MADD: variants seen among roughly 807,000 people sequenced by gnomAD.
MADD encodes the protein MAP kinase-activating death domain protein.
Under a neutral mutation model 176.7 loss-of-function variants are expected in MADD, and 109 were observed. The ratio of observed to expected loss-of-function variants is 0.62; its 90% CI spans 0.53 to 0.72. The LOEUF is 0.72. Ranked by LOEUF, MADD falls within the 30% of genes least tolerant of loss-of-function variation. MADD has a pLI of 0.00. For missense variants in MADD, 1,914 were observed against 2,045.5 expected (o/e 0.94, Z 1.24); for synonymous variants, 771 against 771.3 (o/e 1.00, Z 0.01).
rs1227040287 is a variant in MADD at position 47,290,062 on chromosome 11, T to G, written c.2943+9T>G. 3 of 1,613,252 alleles carry G rather than the reference T, an allele frequency of 1.9e-6. No individual in the cohort carries two copies. Among genetic ancestry groups the G allele is most frequent in the East Asian group, 2.2e-5 (1 of 44,866 alleles). On this transcript the variant is annotated intron_variant, in intron 17 of 32. Transcript: ENST00000402192. ...ACATCATCCCGGATGTGGTCAGTGT[T>G]GGGGGTAGGGAATCGGAGTAACTGG... is the stretch of plus-strand genomic sequence containing the variant.
intron 27 of MADD, among the ~76,000 whole-genome samples, chr11:47,316,097 A>C (rs1302612542): frequency 6.6e-6 from 1 of 151,994 alleles, no homozygotes; most frequent in Non-Finnish European, 1.5e-5. Flanking sequence ...CGACCTCCCA[A>C]AGTGCTGGGA....
chr11:47,315,750 T>C (rs886624512), intron 27 of MADD, among the ~76,000 whole-genome samples: 2 of 151,752 alleles, frequency 1.3e-5, no homozygotes, highest in African/African-American at 2.4e-5. Flanking sequence ...GCTGGTATTA[T>C]AGGCATGAGC....
intron 7 of MADD, among the ~76,000 whole-genome samples, chr11:47,280,679 C>T (rs1180407726): frequency 6.6e-6 from 1 of 152,166 alleles, no homozygotes; most frequent in Admixed American, 6.5e-5. Flanking sequence ...AATCTCTTGC[C>T]TCAGCCTCCT....
At position 47,318,789 on chromosome 11, in the gene MADD, A is replaced by ATT. The variant is rs57548484; in HGVS notation, c.4197+3497_4197+3498dup. The stretch of plus-strand genomic sequence containing the variant: ...TGATCAACTGGACAGCAGTTTGGGA[A>ATT]TTTTTTTTTTTTTTTTTTTTTTTTT... On this transcript the variant is annotated intron_variant, in intron 27 of 32. Coordinates refer to ENST00000402192, the Ensembl canonical transcript of MADD. 3.3e-3 allele frequency among the ~76,000 whole-genome samples: 269 copies of ATT among 82,472 alleles called. 26 individuals are homozygous for ATT. Among genetic ancestry groups the ATT allele is most frequent in the Non-Finnish European group, 4.0e-3 (180 of 45,150 alleles). The allele number at this position is 82,472 out of a possible 152,430, so 54.1% of individuals were successfully genotyped here. A position where few individuals can be genotyped will look rare whatever the true frequency, so the allele number is the denominator to read the frequency against.
At chr11:47,273,722 A>T in intron 1 of MADD, 105 bp from the exon 2 acceptor site, 1 of 538,816 alleles carries the variant, frequency 1.9e-6, no homozygotes, top group Non-Finnish European at 3.4e-6. Context: ...CATTAGTATG[A>T]AAGTGGAAGA....
intron 31 of MADD, 128 bp downstream of exon 35, chr11:47,326,935 G>A (rs2095511118): frequency 1.4e-6 from 2 of 1,470,116 alleles, no homozygotes; most frequent in Non-Finnish European, 1.8e-6. Context: ...GAGCAGGAGT[G>A]ACAAGGAAGA....
At chr11:47,295,746 C>T (rs2070943929) in intron 21 of MADD, 151 bp from the exon 24 acceptor site, 1 of 1,517,400 alleles carries the variant, frequency 6.6e-7, no homozygotes, top group East Asian at 2.3e-5. Flanking sequence ...TCACCCAGAG[C>T]TTCTCATCTT....
exon 33 of MADD, chr11:47,329,158 G>A (rs1237723140): frequency 1.2e-6 from 2 of 1,608,084 alleles, no homozygotes; most frequent in East Asian, 2.2e-5. Context: ...TGATGGAGAG[G>A]GGCTACGCAG....
intron 26 of MADD, among the ~76,000 whole-genome samples, chr11:47,314,251 A>AT (rs2091801110): frequency 6.8e-6 from 1 of 146,784 alleles, no homozygotes; most frequent in African/African-American, 2.5e-5. Flanking sequence ...AAAAAAGTGT[A>AT]TGGAGAATAG....
chr11:47,319,817 CCT>C (rs1006314565), intron 27 of MADD, among the ~76,000 whole-genome samples: 7 of 151,510 alleles, frequency 4.6e-5, no homozygotes, highest in Non-Finnish European at 7.4e-5. Context: ...GTGGTGACAC[CCT>C]GTTTCTACTA....
intron 26 of MADD, among the ~76,000 whole-genome samples, chr11:47,312,207 T>C (rs2089961381): frequency 6.6e-6 from 1 of 152,206 alleles, no homozygotes; most frequent in South Asian, 2.1e-4. Context: ...CAGCAGCCAT[T>C]GCATTCCTTG....
chr11:47,285,823 C>T (rs1014086095), intron 14 of MADD, among the ~76,000 whole-genome samples: 3 of 152,126 alleles, frequency 2.0e-5, no homozygotes, highest in Non-Finnish European at 4.4e-5. Flanking sequence ...GGTAAGACAG[C>T]TGGATGGGTA....
exon 19 of MADD, chr11:47,290,698 G>A: frequency 6.2e-7 from 1 of 1,614,176 alleles, no homozygotes; most frequent in Non-Finnish European, 8.5e-7. Flanking sequence ...GGGACCCAAA[G>A]GCTATGGCAC....
chr11:47,311,684 C>T (rs367663813), intron 25 of MADD, 48 bp from the exon 29 acceptor site: 138 of 1,157,458 alleles, frequency 1.2e-4, no homozygotes, highest in Non-Finnish European at 1.6e-4. Context: ...CTACCTCAGT[C>T]GGGAGGAGAG....
In MADD at chr11:47,285,295, C is replaced by T. The variant is rs1390050999; in HGVS notation, c.2411+101C>T. Reference sequence around the variant, plus strand: ...AGAAAGTCTGAGAAGTCTGAATGCTCTCGTGGTCCTGCCATCCCCAGAGGA... The same window carrying T: ...AGAAAGTCTGAGAAGTCTGAATGCTTTCGTGGTCCTGCCATCCCCAGAGGA... On this transcript the variant is annotated intron_variant, in intron 13 of 32. Transcript: ENST00000402192. The T allele has an allele frequency of 1.3e-5, 20 of 1,555,612 alleles. No individual in the cohort carries two copies. The South Asian group carries it at 2.2e-4, about 17-fold the overall frequency.
chr11:47,279,026 C>T (rs1187520257), exon 7 of MADD: 3 of 1,614,040 alleles, frequency 1.9e-6, no homozygotes, highest in East Asian at 2.2e-5. Context: ...TGCAGAAGTG[C>T]TGCCTATCCT....
At chr11:47,317,371 G>A (rs143331448) in intron 27 of MADD, among the ~76,000 whole-genome samples, 124 of 152,288 alleles carry the variant, frequency 8.1e-4, no homozygotes, top group Non-Finnish European at 1.5e-4. Context: ...CAATGCATTT[G>A]TAATTTTGGT....
In MADD at chr11:47,284,578, C is replaced by T. The variant is rs934535403; in HGVS notation, c.2157+13C>T. ...CGGAGCCAACTCTGTAAGTGAGGAG[C>T]GGTGGATGAGTGAGAACCATGGCCT... is the stretch of plus-strand genomic sequence containing the variant. On this transcript the variant is annotated intron_variant, in intron 12 of 32. Coordinates refer to ENST00000402192, the Ensembl canonical transcript of MADD. 2.5e-6 allele frequency: 4 copies of T among 1,611,844 alleles called. No homozygotes were observed. The highest frequency in any genetic ancestry group is 2.2e-5 in the East Asian group (1 of 44,792).
chr11:47,278,206 C>T, exon 6 of MADD: 1 of 1,614,122 alleles, frequency 6.2e-7, no homozygotes. Flanking sequence ...GGGTTCCTGC[C>T]AGCTTCTTCC....
Sources: gnomAD v4.1 joint callset for allele counts (sites outside exome capture counted in the v4.1 genomes callset) on GRCh38, gnomAD v4.1.1 for gene constraint, MANE v1.5 for transcripts, NCBI Gene and HGNC (gene_info 2026-07-23, HGNC 2026-07-21) for gene names.